KCNT2: variants seen among roughly 807,000 people sequenced by gnomAD.
The protein encoded by KCNT2 is potassium sodium-activated channel subfamily T member 2.
A neutral mutation model predicts 153.8 loss-of-function variants in KCNT2; 67 were observed. The observed-to-expected ratio is 0.44, with a 90% CI of 0.36 to 0.53. The LOEUF is 0.53. Among genes scored for constraint, KCNT2 ranks in the 20% least tolerant of loss-of-function variants. The pLI is 0.00. For synonymous variants in KCNT2, 500 were observed against 458.8 expected (o/e 1.09, Z -1.15); for missense variants, 975 against 1,354.8 (o/e 0.72, Z 4.40).
chr1:196,432,427 G>T (rs944592055), intron 8 of KCNT2, among the ~76,000 whole-genome samples: 9 of 152,206 alleles, frequency 5.9e-5, no homozygotes, highest in Admixed American at 5.2e-4. Context: ...CCCCAACTCC[G>T]TAAACGCTGC....
intron 14 of KCNT2, among the ~76,000 whole-genome samples, chr1:196,358,960 T>A (rs1667394780): frequency 6.6e-6 from 1 of 151,946 alleles, no homozygotes; most frequent in African/African-American, 2.4e-5. Flanking sequence ...AAAAAGAAAT[T>A]AGACTACTCA....
At chr1:196,273,649 A>G (rs1271076113) in intron 25 of KCNT2, among the ~76,000 whole-genome samples, 3 of 151,810 alleles carry the variant, frequency 2.0e-5, no homozygotes, top group Middle Eastern at 3.2e-3. Flanking sequence ...TTTGAACAAA[A>G]TTAGATAAAG....
chr1:196,583,295 G>A (rs10922087), intron 1 of KCNT2, among the ~76,000 whole-genome samples: 119,043 of 151,956 alleles, frequency 0.78, 49,930 homozygotes, highest in East Asian at 0.97. Flanking sequence ...TTGGGTGGCT[G>A]GTTGCATGTT....
intron 25 of KCNT2, among the ~76,000 whole-genome samples, chr1:196,268,129 T>C (rs1236418351): frequency 1.3e-5 from 2 of 152,150 alleles, no homozygotes; most frequent in African/African-American, 4.8e-5. Flanking sequence ...CAGGTCCCAC[T>C]TGCACATTTC....
chr1:196,528,198 G>GA (rs1654493270), intron 1 of KCNT2, among the ~76,000 whole-genome samples: 1 of 152,166 alleles, frequency 6.6e-6, no homozygotes, highest in Non-Finnish European at 1.5e-5. Context: ...ACAGAAAGAT[G>GA]AATCATTTTG....
At chr1:196,243,323 G>T (rs938337165) in intron 26 of KCNT2, among the ~76,000 whole-genome samples, 4 of 152,018 alleles carry the variant, frequency 2.6e-5, no homozygotes, top group Non-Finnish European at 5.9e-5. Flanking sequence ...CATACTTTCT[G>T]CAAGAACACC....
At chr1:196,344,744 G>T (rs563975479) in intron 14 of KCNT2, among the ~76,000 whole-genome samples, 23 of 152,300 alleles carry the variant, frequency 1.5e-4, no homozygotes, top group African/African-American at 5.1e-4. Flanking sequence ...GAAGGGAACA[G>T]AAATGGATGG....
intron 1 of KCNT2, among the ~76,000 whole-genome samples, chr1:196,531,065 C>T (rs1654871447): frequency 6.6e-6 from 1 of 152,088 alleles, no homozygotes; most frequent in South Asian, 2.1e-4. Flanking sequence ...CTTATCACTG[C>T]CCGGAGATGA....
At chr1:196,270,270 C>T (rs16839698) in intron 25 of KCNT2, among the ~76,000 whole-genome samples, 7,407 of 151,948 alleles carry the variant, frequency 0.049, 281 homozygotes, top group Non-Finnish European at 0.072. Flanking sequence ...ATCAGCCTAG[C>T]CCAAATCAAG....
chr1:196,575,708 C>T (rs946666439), intron 1 of KCNT2, among the ~76,000 whole-genome samples: 8 of 133,234 alleles, frequency 6.0e-5, no homozygotes, highest in South Asian at 2.7e-4. Flanking sequence ...AGGAAGAGGG[C>T]GGAATGCAGT....
At chr1:196,353,884 A>G (rs1222575331) in intron 14 of KCNT2, among the ~76,000 whole-genome samples, 1 of 151,936 alleles carries the variant, frequency 6.6e-6, no homozygotes, top group Non-Finnish European at 1.5e-5. Context: ...GGAGAAATAA[A>G]GGATTTAATT....
At chr1:196,396,516 T>G (rs937802425) in intron 13 of KCNT2, among the ~76,000 whole-genome samples, 2 of 151,588 alleles carry the variant, frequency 1.3e-5, no homozygotes, top group African/African-American at 4.8e-5. Context: ...AGTCCATAAT[T>G]TTTTAACTTC....
chr1:196,282,937 C>G (rs948352672), intron 23 of KCNT2, among the ~76,000 whole-genome samples: 1 of 152,118 alleles, frequency 6.6e-6, no homozygotes, highest in African/African-American at 2.4e-5. Context: ...CTCCGCCTCC[C>G]GGGTTCAAGT....
At chr1:196,430,207 G>A (rs993895049) in intron 8 of KCNT2, among the ~76,000 whole-genome samples, 4 of 151,676 alleles carry the variant, frequency 2.6e-5, no homozygotes, top group Non-Finnish European at 4.4e-5. Context: ...GTTAACAATT[G>A]CCAAATGCTA....
intron 4 of KCNT2, among the ~76,000 whole-genome samples, chr1:196,481,407 A>G (rs1304017600): frequency 1.3e-5 from 2 of 152,190 alleles, no homozygotes; most frequent in African/African-American, 4.8e-5. Flanking sequence ...GGACTTTACC[A>G]CTACTCAAAA....
chr1:196,236,651 AGGG>A (rs1654468485), intron 26 of KCNT2, among the ~76,000 whole-genome samples: 1 of 151,596 alleles, frequency 6.6e-6, no homozygotes, highest in Non-Finnish European at 1.5e-5. Context: ...ATGAATTTTA[AGGG>A]AAGTGTACTC....
chr1:196,546,754 T>A (rs1657150046), intron 1 of KCNT2, among the ~76,000 whole-genome samples: 1 of 151,212 alleles, frequency 6.6e-6, no homozygotes. Flanking sequence ...ACAAGTAAAA[T>A]CAGAAAGTCA....
chr1:196,272,644 C>A (rs1261127765), intron 25 of KCNT2, among the ~76,000 whole-genome samples: 3 of 151,882 alleles, frequency 2.0e-5, no homozygotes, highest in Non-Finnish European at 4.4e-5. Flanking sequence ...GTTGAAACCA[C>A]AGGAAGCGAT....
At chr1:196,253,180 T>C (rs1407621115) in intron 26 of KCNT2, among the ~76,000 whole-genome samples, 1 of 151,532 alleles carries the variant, frequency 6.6e-6, no homozygotes, top group Non-Finnish European at 1.5e-5. Context: ...TCCAGTTACA[T>C]GCATGTTACA....
Sources: allele counts gnomAD v4.1 joint callset (sites outside exome capture counted in the v4.1 genomes callset), GRCh38; gene constraint gnomAD v4.1.1; transcripts MANE v1.5; gene names NCBI Gene and HGNC (gene_info 2026-07-23, HGNC 2026-07-21).